Variants in TTLL11 observed in about 807,000 individuals in gnomAD.
The protein encoded by TTLL11 is tubulin tyrosine ligase like 11, also known as tubulin polyglutamylase TTLL11.
Under a neutral mutation model 51.7 loss-of-function variants are expected in TTLL11, and 42 were observed. The ratio of observed to expected loss-of-function variants is 0.81; its 90% CI spans 0.64 to 1.05. The LOEUF (loss-of-function observed/expected upper bound fraction) is 1.05. TTLL11 is among the 50% of genes least tolerant of loss of function. The pLI is 0.00. For missense variants in TTLL11, 799 were observed against 940.4 expected, an observed-to-expected ratio of 0.85 and a Z score of 1.97; for synonymous variants, 381 against 383.5, an observed-to-expected ratio of 0.99 and a Z score of 0.08.
chr9:121,833,945 G>A (rs1837103477), intron 8 of TTLL11, among the ~76,000 whole-genome samples: 1 of 152,074 alleles, frequency 6.6e-6, no homozygotes, highest in Non-Finnish European at 1.5e-5. Flanking sequence ...TCTCTCCCCA[G>A]TCTTTAAATC....
chr9:121,997,339 G>A lies in TTLL11; in HGVS notation c.694-7569C>T, dbSNP rs1367855548. ...GAGGGGAGTGAGAACACAGCCTGGC[G>A]AGTCAGCCCTGCCTGGCCTCCCCAC... On this transcript the variant is annotated intron_variant, in intron 3 of 8. Coordinates refer to ENST00000321582, the MANE Select transcript of TTLL11 (RefSeq NM_001139442.2). 2.6e-5 allele frequency among the ~76,000 whole-genome samples: 4 copies of A among 152,030 alleles called. No homozygotes were observed. In the South Asian group the frequency reaches 6.2e-4, roughly 24 times the overall value.
In TTLL11 at chr9:121,860,585, G is replaced by A. The variant is rs1232844615; in HGVS notation, c.1734-142C>T. On this transcript the variant is annotated intron_variant, in intron 7 of 8. Transcript: ENST00000321582. ...CTATCCCTCCAATGTGATGGTGTTAGGAGGTGGGGCCTCTGACAGGTGATT... is the reference window on the plus strand; with the variant it reads ...CTATCCCTCCAATGTGATGGTGTTAAGAGGTGGGGCCTCTGACAGGTGATT... 11 of 681,524 alleles carry A rather than the reference G, an allele frequency of 1.6e-5. 1 individual carries two copies. The highest frequency in any genetic ancestry group is 4.9e-5 in the Admixed American group (2 of 40,768). The allele number at this position is 681,524 out of a possible 1,614,324, so 42.2% of individuals were successfully genotyped here. A position where few individuals can be genotyped will look rare whatever the true frequency, so the allele number is the denominator to read the frequency against.
intron 6 of TTLL11, among the ~76,000 whole-genome samples, chr9:121,939,490 A>G (rs1841357712): frequency 6.6e-6 from 1 of 152,132 alleles, no homozygotes; most frequent in Non-Finnish European, 1.5e-5. Flanking sequence ...AAACATACCT[A>G]TGTAGTAAAA....
chr9:121,995,041 T>C lies in TTLL11; in HGVS notation c.694-5271A>G, dbSNP rs925965435. Reference sequence around the variant, plus strand: ...CAGAGGGGAGGCAGTGGGAAGATGATGAGCTGCACAGAGGACCCTGGAGGG... The same window carrying C: ...CAGAGGGGAGGCAGTGGGAAGATGACGAGCTGCACAGAGGACCCTGGAGGG... On this transcript the variant is annotated intron_variant, in intron 3 of 8. Coordinates refer to ENST00000321582, the MANE Select transcript of TTLL11 (RefSeq NM_001139442.2). The surrounding 1 kb of genome is among the most constrained non-coding windows in gnomAD (Gnocchi z 4.4). 1.3e-5 allele frequency among the ~76,000 whole-genome samples: 2 copies of C among 152,140 alleles called. No homozygotes were observed. Among genetic ancestry groups the C allele is most frequent in the African/African-American group, 4.8e-5 (2 of 41,426 alleles).
At chr9:121,866,632 C>G (rs1049483220) in intron 7 of TTLL11, among the ~76,000 whole-genome samples, 2 of 147,470 alleles carry the variant, frequency 1.4e-5, no homozygotes, top group African/African-American at 5.1e-5. Context: ...TGTACTTCAG[C>G]CTGGGCAACA....
chr9:122,085,628 T>C (rs1846104209), intron 1 of TTLL11, among the ~76,000 whole-genome samples: 1 of 152,188 alleles, frequency 6.6e-6, no homozygotes. Flanking sequence ...TATATTAAAT[T>C]TTCCCCCTGT....
At chr9:121,839,277 T>C (rs951277748) in intron 8 of TTLL11, among the ~76,000 whole-genome samples, 2 of 152,260 alleles carry the variant, frequency 1.3e-5, no homozygotes, top group African/African-American at 4.8e-5. Context: ...TGTTCATCCC[T>C]GCACGTCCCC....
chr9:121,967,714 T>C (rs938570792), intron 6 of TTLL11, among the ~76,000 whole-genome samples: 14 of 152,256 alleles, frequency 9.2e-5, no homozygotes, highest in Admixed American at 4.6e-4. Context: ...GTAGCATCCC[T>C]CTGGTTGAAA....
chr9:122,049,213 T>G (rs1178791762), intron 1 of TTLL11, among the ~76,000 whole-genome samples: 2 of 152,220 alleles, frequency 1.3e-5, no homozygotes, highest in Non-Finnish European at 2.9e-5. Flanking sequence ...TAGGTAATGC[T>G]TATTCCTATG....
chr9:122,026,175 A>G (rs901485813), intron 3 of TTLL11, among the ~76,000 whole-genome samples: 2 of 152,170 alleles, frequency 1.3e-5, no homozygotes, highest in Non-Finnish European at 2.9e-5. Context: ...GTGGTGGCTC[A>G]TGTCTATAAT....
At chr9:121,852,495 G>A (rs1465894229) in intron 8 of TTLL11, among the ~76,000 whole-genome samples, 12 of 152,166 alleles carry the variant, frequency 7.9e-5, no homozygotes, top group Admixed American at 2.6e-4. Context: ...GGCAACAAGT[G>A]TAGGGAGAGG....
intron 6 of TTLL11, among the ~76,000 whole-genome samples, chr9:121,947,130 C>T (rs562928346): frequency 7.2e-5 from 11 of 152,156 alleles, no homozygotes; most frequent in East Asian, 1.9e-4. Context: ...CACAGTGCTA[C>T]GCTGCTTCCT....
intron 6 of TTLL11, among the ~76,000 whole-genome samples, chr9:121,937,563 C>G (rs886556436): frequency 6.7e-6 from 1 of 150,290 alleles, no homozygotes; most frequent in Non-Finnish European, 1.5e-5. Flanking sequence ...AGAGATTCCC[C>G]TATTCCCCCC....
chr9:121,956,990 G>A (rs1842038552), intron 6 of TTLL11, among the ~76,000 whole-genome samples: 1 of 152,150 alleles, frequency 6.6e-6, no homozygotes, highest in Non-Finnish European at 1.5e-5. Flanking sequence ...AGAAGAAGGG[G>A]AGTCTGGGAG....
chr9:121,859,188 T>C (rs894759273), intron 8 of TTLL11, among the ~76,000 whole-genome samples: 41 of 71,036 alleles, frequency 5.8e-4, no homozygotes, highest in African/African-American at 2.3e-3. Context: ...TATTATAATT[T>C]TTTTAGAAAA....
At chr9:121,967,840 A>T (rs896721194) in intron 6 of TTLL11, among the ~76,000 whole-genome samples, 1 of 152,252 alleles carries the variant, frequency 6.6e-6, no homozygotes, top group Admixed American at 6.5e-5. Context: ...GACACAAGCC[A>T]CAACAAGGGT....
rs1010022121 is a variant in TTLL11 at position 121,816,867 on chromosome 9, T to C, written c.*5720A>G. ...AGGAACAGAAAAAAATTTAGACTTA[T>C]TTTGTGAGGGAGAAATTCATATGCC... On this transcript the variant is annotated 3_prime_UTR_variant, in exon 9 of 9. Coordinates refer to ENST00000321582, the MANE Select transcript of TTLL11 (RefSeq NM_001139442.2). 6 of 152,202 alleles carry C rather than the reference T, an allele frequency of 3.9e-5. No individual in the cohort carries two copies. The highest frequency in any genetic ancestry group is 5.9e-5 in the Non-Finnish European group (4 of 68,036). 9.4% of individuals were successfully genotyped at this position (152,202 alleles called of 1,614,324 possible).
rs1491163835 is a variant in TTLL11, at chr9:121,826,217, T to TATATATACACACAC, written c.1841-3339_1841-3338insGTGTGTGTATATAT. ...ATATATATATATATATATATATATA[T>TATATATACACACAC]GCACACATATATATATACACGCACA... On this transcript the variant is annotated intron_variant, in intron 8 of 8. Transcript: ENST00000321582. Among the ~76,000 whole-genome samples the TATATATACACACAC allele has an allele frequency of 2.3e-3, 133 of 58,098 alleles. 11 individuals carry two copies. The highest frequency in any genetic ancestry group is 8.0e-3 in the African/African-American group (108 of 13,470). 38.1% of individuals were successfully genotyped at this position (58,098 alleles called of 152,430 possible). A position where few individuals can be genotyped will look rare whatever the true frequency, so the allele number is the denominator to read the frequency against.
intron 4 of TTLL11, among the ~76,000 whole-genome samples, chr9:121,982,684 C>T (rs1842851559): frequency 6.9e-6 from 1 of 145,788 alleles, no homozygotes; most frequent in Admixed American, 7.0e-5. Context: ...CCATTGCACT[C>T]CAGCCTGGGT....
Sources: gnomAD v4.1 joint callset for allele counts (sites outside exome capture counted in the v4.1 genomes callset) on GRCh38, gnomAD v4.1.1 for gene constraint, Gnocchi (gnomAD v3.1) non-coding constraint, MANE v1.5 for transcripts, NCBI Gene and HGNC (gene_info 2026-07-23, HGNC 2026-07-21) for gene names.